PRKCB: variants seen among roughly 807,000 people sequenced by gnomAD.
PRKCB encodes protein kinase C beta type.
PRKCB carries 13 observed loss-of-function variants against 81.5 expected under a neutral mutation model. That is an observed-to-expected ratio of 0.16 (90% CI 0.10 to 0.25). The LOEUF is 0.25. PRKCB is among the 10% of genes least tolerant of loss of function. PRKCB has a pLI of 1.00. For synonymous variants in PRKCB, 335 were observed against 321.4 expected, an observed-to-expected ratio of 1.04 and a Z score of -0.45; for missense variants, 509 against 875.7, an observed-to-expected ratio of 0.58 and a Z score of 5.29.
chr16:24,035,256 C>T (rs1012070245), intron 4 of PRKCB, among the ~76,000 whole-genome samples, 163 bp from the exon 5 acceptor site: 1 of 152,168 alleles, frequency 6.6e-6, no homozygotes, highest in Non-Finnish European at 1.5e-5. Flanking sequence ...AAAAGCCCTT[C>T]TGATGAGATC....
At chr16:24,193,795 G>A (rs969688118) in intron 16 of PRKCB, among the ~76,000 whole-genome samples, 2 of 152,142 alleles carry the variant, frequency 1.3e-5, no homozygotes, top group East Asian at 3.9e-4. Context: ...AAGCCAGAGA[G>A]CAGGTGATCT....
intron 5 of PRKCB, among the ~76,000 whole-genome samples, chr16:24,036,612 T>C (rs1304057435): frequency 6.6e-6 from 1 of 152,174 alleles, no homozygotes; most frequent in African/African-American, 2.4e-5. Flanking sequence ...GTGTAAAAGC[T>C]GAAAAATACT....
chr16:24,207,737 G>T (rs1465276829), intron 16 of PRKCB, among the ~76,000 whole-genome samples: 1 of 152,210 alleles, frequency 6.6e-6, no homozygotes, highest in African/African-American at 2.4e-5. Context: ...AAATCCAGGA[G>T]TATAGAGGAC....
At chr16:23,911,826 ATTTTTTTT>A (rs58458568) in intron 2 of PRKCB, among the ~76,000 whole-genome samples, 5 of 57,426 alleles carry the variant, frequency 8.7e-5, no homozygotes, top group Non-Finnish European at 1.7e-4. Flanking sequence ...CGCGACCCAC[ATTTTTTTT>A]TTTTTTTTTT....
intron 5 of PRKCB, among the ~76,000 whole-genome samples, chr16:24,078,227 C>A (rs1966204628): frequency 2.0e-5 from 3 of 152,244 alleles, no homozygotes; most frequent in African/African-American, 7.2e-5. Context: ...ATGTCTGCAG[C>A]CGCTGCAGCG....
intron 2 of PRKCB, among the ~76,000 whole-genome samples, chr16:23,862,705 G>A (rs1412274395): frequency 6.6e-6 from 1 of 152,104 alleles, no homozygotes; most frequent in Non-Finnish European, 1.5e-5. Context: ...TAACACATGG[G>A]AAAACTAACG....
At chr16:23,992,079 G>A (rs1403399192) in intron 3 of PRKCB, among the ~76,000 whole-genome samples, 1 of 152,244 alleles carries the variant, frequency 6.6e-6, no homozygotes, top group Non-Finnish European at 1.5e-5. Context: ...CTTCTACCAT[G>A]TGAGGTTGCA....
At chr16:23,931,523 G>A (rs1963975605) in intron 2 of PRKCB, among the ~76,000 whole-genome samples, 1 of 152,136 alleles carries the variant, frequency 6.6e-6, no homozygotes, top group Non-Finnish European at 1.5e-5. Flanking sequence ...ATCAGGTTGG[G>A]GTGAGGGTGT....
intron 5 of PRKCB, among the ~76,000 whole-genome samples, chr16:24,077,357 C>T (rs767827325): frequency 6.6e-6 from 1 of 151,996 alleles, no homozygotes; most frequent in Non-Finnish European, 1.5e-5. Flanking sequence ...TACTCATTGA[C>T]CCACCTAACC....
chr16:24,047,217 C>G lies in PRKCB; in HGVS notation c.529+11670C>G, dbSNP rs534039093. Among the ~76,000 whole-genome samples, 5 of 152,098 alleles carry G rather than the reference C, an allele frequency of 3.3e-5. No homozygotes were observed. In the South Asian group the frequency reaches 1.0e-3, roughly 32 times the overall value. On this transcript the variant is annotated intron_variant, in intron 5 of 16. Coordinates refer to ENST00000643927, the MANE Select transcript of PRKCB (RefSeq NM_002738.7). ...ATTAGCTGGGCGTGGTGGTGCGTGT[C>G]TGCAGTCCCAACTGCTCAGGAGGCT...
At chr16:23,999,698 A>G (rs1965007031) in intron 3 of PRKCB, among the ~76,000 whole-genome samples, 2 of 152,330 alleles carry the variant, frequency 1.3e-5, no homozygotes, top group East Asian at 1.9e-4. Context: ...ACTTATGGAC[A>G]TTATAGGTTA....
chr16:23,975,342 G>T (rs1964610934), intron 2 of PRKCB, among the ~76,000 whole-genome samples: 3 of 152,114 alleles, frequency 2.0e-5, no homozygotes, highest in Admixed American at 2.0e-4. Context: ...TTTGGTGGCT[G>T]TCACTCCTTG....
intron 2 of PRKCB, among the ~76,000 whole-genome samples, chr16:23,936,312 A>G (rs1964056861): frequency 6.6e-6 from 1 of 152,020 alleles, no homozygotes; most frequent in Non-Finnish European, 1.5e-5. Flanking sequence ...TGGTGCTGCC[A>G]GTCTTTAGAT....
At chr16:24,049,212 A>AGG in intron 5 of PRKCB, among the ~76,000 whole-genome samples, 1 of 150,944 alleles carries the variant, frequency 6.6e-6, no homozygotes, top group South Asian at 2.1e-4. Flanking sequence ...GGTTATGTGA[A>AGG]TCTGGCAACC....
intron 3 of PRKCB, among the ~76,000 whole-genome samples, chr16:24,028,510 C>T (rs1204945134): frequency 1.3e-5 from 2 of 152,248 alleles, no homozygotes; most frequent in Non-Finnish European, 2.9e-5. Flanking sequence ...TATCCACCTC[C>T]AACCCCTTTT....
intron 2 of PRKCB, among the ~76,000 whole-genome samples, chr16:23,917,716 C>G (rs1234619998): frequency 6.6e-6 from 1 of 152,244 alleles, no homozygotes; most frequent in African/African-American, 2.4e-5. Context: ...GAGGCACTGC[C>G]ATTCATTTCT....
At chr16:24,000,300 A>G (rs760398560) in intron 3 of PRKCB, among the ~76,000 whole-genome samples, 2 of 152,210 alleles carry the variant, frequency 1.3e-5, no homozygotes, top group African/African-American at 2.4e-5. Flanking sequence ...GGCCTCATCA[A>G]AAGAATGCAC....
At chr16:23,965,170 A>G (rs190209916) in intron 2 of PRKCB, among the ~76,000 whole-genome samples, 47 of 152,278 alleles carry the variant, frequency 3.1e-4, no homozygotes, top group African/African-American at 1.0e-3. Flanking sequence ...AGGAGGTCTC[A>G]GTGTCTGTTG....
chr16:23,901,775 C>T lies in PRKCB; in HGVS notation c.205+64369C>T, dbSNP rs570174219. ...CATTTTCTCTGAGGTCCCAAAAATT[C>T]GAGTGGTCAAGAAGACACCCTGCAA... is the stretch of plus-strand genomic sequence containing the variant. On this transcript the variant is annotated intron_variant, in intron 2 of 16. Transcript: ENST00000643927. Among the ~76,000 whole-genome samples the T allele has an allele frequency of 3.3e-5, 5 of 152,080 alleles. 1 individual carries two copies. Among genetic ancestry groups the T allele is most frequent in the South Asian group, 4.1e-4 (2 of 4,824 alleles).
Sources: allele counts gnomAD v4.1 joint callset (sites outside exome capture counted in the v4.1 genomes callset), GRCh38; gene constraint gnomAD v4.1.1; transcripts MANE v1.5; gene names NCBI Gene and HGNC (gene_info 2026-07-23, HGNC 2026-07-21).